DYNLRB2: variants seen among roughly 807,000 people sequenced by gnomAD.
DYNLRB2 encodes the protein bithoraxoid-like protein.
A neutral mutation model predicts 12.6 loss-of-function variants in DYNLRB2; 14 were observed. The ratio of observed to expected loss-of-function variants is 1.11; its 90% confidence interval spans 0.73 to 1.73. The LOEUF is 1.73. DYNLRB2 is among the 40% of genes most tolerant of loss of function. The pLI is 0.00. For missense variants in DYNLRB2, 142 were observed against 117.7 expected, an observed-to-expected ratio of 1.21 and a Z score of -0.95; for synonymous variants, 53 against 37.0, an observed-to-expected ratio of 1.43 and a Z score of -1.57.
intron 2 of DYNLRB2, among the ~76,000 whole-genome samples, chr16:80,546,590 G>A (rs993343376): frequency 6.6e-5 from 10 of 152,096 alleles, no homozygotes; most frequent in Admixed American, 5.9e-4. Flanking sequence ...ATTTTTGTTA[G>A]CATTGGTTTC....
chr16:80,545,863 A>T (rs1367885405), intron 2 of DYNLRB2, among the ~76,000 whole-genome samples: 2 of 137,022 alleles, frequency 1.5e-5, no homozygotes, highest in African/African-American at 2.7e-5. Flanking sequence ...TTTTTTTTTT[A>T]GTAGAGATGG....
chr16:80,550,697 C>G lies in DYNLRB2; in HGVS notation c.*139C>G. On this transcript the variant is annotated 3_prime_UTR_variant, in exon 4 of 4. Transcript: ENST00000305904. ...TCTATATCTAAACTGTTCTGCATGT[C>G]TCATTTAGTCCCTTTTGATTATATT... 1 of 896,486 alleles carries G rather than the reference C, an allele frequency of 1.1e-6. No homozygotes were observed. Among genetic ancestry groups the G allele is most frequent in the Non-Finnish European group, 1.8e-6 (1 of 566,934 alleles). 55.5% of individuals were successfully genotyped at this position (896,486 alleles called of 1,614,324 possible).
At chr16:80,546,014 G>C (rs975607314) in intron 2 of DYNLRB2, among the ~76,000 whole-genome samples, 1 of 152,068 alleles carries the variant, frequency 6.6e-6, no homozygotes, top group Non-Finnish European at 1.5e-5. Context: ...GGATAAGTTT[G>C]TATTAGAATT....
chr16:80,549,523 T>A lies in DYNLRB2; in HGVS notation c.119T>A (p.Val40Asp). ...ACAACCTTGGACAACTCAACAACTG[T>A]TCAATATGCAGGCCTTCTTCATCAC... ...IRTTLDNSTT[V>D]QYAGLLHHLT... Residue 40 changes from valine to aspartate, a missense_variant, in exon 3 of 4, where the codon GTT becomes GAT. By Grantham distance (152) the Val-to-Asp change is radical. Coordinates refer to ENST00000305904, the MANE Select transcript of DYNLRB2 (RefSeq NM_130897.3). 1 of 1,612,916 alleles carries A rather than the reference T, an allele frequency of 6.2e-7. No individual in the cohort carries two copies. The highest frequency in any genetic ancestry group is 8.5e-7 in the Non-Finnish European group (1 of 1,179,202).
At chr16:80,550,233 G>C (rs1304817022) in intron 3 of DYNLRB2, among the ~76,000 whole-genome samples, 5 of 152,176 alleles carry the variant, frequency 3.3e-5, no homozygotes, top group Non-Finnish European at 5.9e-5. Context: ...TCCTACACCA[G>C]TGTCCTCACC....
At chr16:80,548,337 G>A (rs111373441) in intron 2 of DYNLRB2, among the ~76,000 whole-genome samples, 80 of 152,224 alleles carry the variant, frequency 5.3e-4, no homozygotes, top group Middle Eastern at 3.4e-3. Flanking sequence ...GTTCCAAGTT[G>A]AGTTAGATTG....
upstream of DYNLRB2, chr16:80,540,755 G>C: frequency 1.4e-6 from 1 of 702,832 alleles, no homozygotes; most frequent in Non-Finnish European, 2.6e-6. Context: ...ATTAATTCGT[G>C]CCTCAATGAA....
chr16:80,548,701 G>T (rs1904637590), intron 2 of DYNLRB2, among the ~76,000 whole-genome samples: 1 of 148,258 alleles, frequency 6.7e-6, no homozygotes, highest in South Asian at 2.2e-4. Context: ...CAGCCTGGGG[G>T]GCCTACAATA....
chr16:80,549,275 T>C (rs1215867577), intron 2 of DYNLRB2: 2 of 510,390 alleles, frequency 3.9e-6, no homozygotes, highest in African/African-American at 1.9e-5. Context: ...ACAGTCAAGT[T>C]TGTAAATATA....
rs773303146 is a variant in DYNLRB2 at position 80,541,027 on chromosome 16, C to T, written c.-50C>T. On this transcript the variant is annotated 5_prime_UTR_variant, in exon 1 of 4. Coordinates refer to ENST00000305904, the MANE Select transcript of DYNLRB2 (RefSeq NM_130897.3). The stretch of plus-strand genomic sequence containing the variant: ...CAACGGCGGGTAGCGTTGTTGACAT[C>T]CCGGGAGGCTGTGCCGCCGGCCTGA... The T allele has an allele frequency of 2.1e-5, 34 of 1,597,738 alleles. No individual in the cohort carries two copies. Among genetic ancestry groups the T allele is most frequent in the East Asian group, 4.5e-5 (2 of 44,648 alleles).
chr16:80,550,323 A>G (rs1904763542), intron 3 of DYNLRB2, among the ~76,000 whole-genome samples, 192 bp from the exon 4 acceptor site: 1 of 152,230 alleles, frequency 6.6e-6, no homozygotes, highest in Non-Finnish European at 1.5e-5. Flanking sequence ...CAATGAAATC[A>G]GAATCTCTGA....
At chr16:80,541,204 G>T in intron 1 of DYNLRB2, 125 bp downstream of exon 1, 1 of 1,450,728 alleles carries the variant, frequency 6.9e-7, no homozygotes. Flanking sequence ...GAGGCTGGTG[G>T]CTCCAGGATC....
intron 2 of DYNLRB2, among the ~76,000 whole-genome samples, chr16:80,548,387 C>T (rs1238919652): frequency 2.0e-5 from 3 of 152,070 alleles, no homozygotes; most frequent in East Asian, 1.9e-4. Context: ...ATTCTTCTGG[C>T]TAGAATTTTC....
chr16:80,541,099 C>A lies in DYNLRB2; in HGVS notation c.3+20C>A. The A allele has an allele frequency of 1.3e-6, 2 of 1,595,494 alleles. No homozygotes were observed. Among genetic ancestry groups the A allele is most frequent in the Non-Finnish European group, 1.7e-6 (2 of 1,168,728 alleles). Reference sequence around the variant, plus strand: ...GCGATGGTAAATCTGGGGTCTCCGTCCACGCCCCGCCGTTCCAAGCACGCC... The same window carrying A: ...GCGATGGTAAATCTGGGGTCTCCGTACACGCCCCGCCGTTCCAAGCACGCC... On this transcript the variant is annotated intron_variant, in intron 1 of 3. Coordinates refer to ENST00000305904, the MANE Select transcript of DYNLRB2 (RefSeq NM_130897.3).
At chr16:80,540,948 G>T, upstream of DYNLRB2, 1 of 1,526,416 alleles carries the variant, frequency 6.6e-7, no homozygotes, top group Non-Finnish European at 8.9e-7. Context: ...ACTCGCGAGC[G>T]CGCAGGCGCA....
intron 2 of DYNLRB2, chr16:80,548,999 A>G: frequency 2.2e-6 from 1 of 456,072 alleles, no homozygotes; most frequent in Non-Finnish European, 4.4e-6. Context: ...CTCACTATAG[A>G]CAAGATGTTC....
chr16:80,548,640 G>A (rs929852669), intron 2 of DYNLRB2, among the ~76,000 whole-genome samples: 32 of 151,568 alleles, frequency 2.1e-4, no homozygotes, highest in African/African-American at 7.5e-4. Flanking sequence ...GAGAATTGCT[G>A]GAACCCAGGA....
intron 1 of DYNLRB2, 182 bp downstream of exon 1, chr16:80,541,261 T>G (rs1287703668): frequency 2.1e-6 from 2 of 950,332 alleles, no homozygotes; most frequent in Non-Finnish European, 2.5e-6. Context: ...CAAGAAGATG[T>G]CTAGATGACT....
intron 2 of DYNLRB2, among the ~76,000 whole-genome samples, chr16:80,547,254 G>T (rs1023026065): frequency 1.3e-5 from 2 of 152,186 alleles, no homozygotes; most frequent in African/African-American, 2.4e-5. Context: ...TCATTAAGAT[G>T]AAGATTACAA....
Sources: allele counts gnomAD v4.1 joint callset (sites outside exome capture counted in the v4.1 genomes callset), GRCh38; gene constraint gnomAD v4.1.1; transcripts MANE v1.5; gene names NCBI Gene and HGNC (gene_info 2026-07-23, HGNC 2026-07-21).